The following ATAD3B variants were observed in gnomAD, a reference collection of about 807,000 sequenced individuals.
ATAD3B encodes ATPase family AAA domain containing 3B.
A neutral mutation model predicts 70.2 loss-of-function variants in ATAD3B; 59 were observed. That is an observed-to-expected ratio of 0.84 (90% CI 0.68 to 1.04). The LOEUF is 1.04. Ranked by LOEUF, ATAD3B falls within the 50% of genes least tolerant of loss-of-function variation. ATAD3B has a pLI of 0.00. For missense variants in ATAD3B, 961 were observed against 913.4 expected (o/e 1.05, Z -0.67); for synonymous variants, 423 against 388.6 (o/e 1.09, Z -1.04).
rs1322983896 is a variant in ATAD3B at position 1,473,144 on chromosome 1, T to C, written c.205+1055T>C. 2.0e-3 allele frequency among the ~76,000 whole-genome samples: 282 copies of C among 137,964 alleles called. 3 individuals carry two copies. Among genetic ancestry groups the C allele is most frequent in the African/African-American group, 7.4e-3 (264 of 35,814 alleles). The allele number at this position is 137,964 out of a possible 152,430, so 90.5% of individuals were successfully genotyped here. A position where few individuals can be genotyped will look rare whatever the true frequency, so the allele number is the denominator to read the frequency against. ...AGACAGAAGGGATTCCTTTTTTTTT[T>C]TTTTTTTTTTTTTTGAGATGAGTCT... On this transcript the variant is annotated intron_variant, in intron 1 of 15. Coordinates refer to ENST00000673477, the MANE Select transcript of ATAD3B (RefSeq NM_031921.6).
the ATAD3B span, among the ~76,000 whole-genome samples, chr1:1,507,562 A>G: frequency 1.3e-5 from 2 of 152,052 alleles, no homozygotes; most frequent in Non-Finnish European, 2.9e-5. Flanking sequence ...AGGGTGTATA[A>G]TTTTTTTATT....
At chr1:1,508,987 G>T in the ATAD3B span, among the ~76,000 whole-genome samples, 3 of 148,274 alleles carry the variant, frequency 2.0e-5, no homozygotes, top group Non-Finnish European at 4.4e-5. Context: ...TTGAGCAACA[G>T]CAGTGCTGAG....
the ATAD3B span, among the ~76,000 whole-genome samples, chr1:1,508,713 C>G: frequency 1.3e-5 from 2 of 151,200 alleles, no homozygotes; most frequent in Admixed American, 6.5e-5. Flanking sequence ...ATGCCAAGCC[C>G]TGTGCCCAGG....
chr1:1,488,203 C>T (rs149598495), intron 12 of ATAD3B, among the ~76,000 whole-genome samples: 102 of 152,058 alleles, frequency 6.7e-4, no homozygotes, highest in African/African-American at 2.2e-3. Context: ...ATGATCTGCC[C>T]ACCTGGCCTC....
At position 1,495,741 on chromosome 1, in the gene ATAD3B, G is replaced by C. The variant is rs1185993054; in HGVS notation, c.1871G>C (p.Cys624Ser). The C allele has an allele frequency of 6.2e-7, 1 of 1,612,616 alleles. No homozygotes were observed. Among genetic ancestry groups the C allele is most frequent in the East Asian group, 2.2e-5 (1 of 44,886 alleles). Residue 624 changes from cysteine (C) to serine (S), a missense_variant, in exon 16 of 16, where the codon TGC (cysteine) becomes TCC (serine). Transcript: ENST00000673477. The part of the protein sequence containing the change: ...RICSWMGTGL[C>S]PGPLSPRMSC... ...TGCTCCTGGATGGGGACTGGGCTGT[G>C]CCCAGGGCCTCTGTCCCCCAGGATG...
In ATAD3B at chr1:1,495,553, T is replaced by C; in HGVS notation, c.1683T>C (p.Ala561=). ...EAMMDACVQD[A]VQQYRQKMRW... ...TGATGGACGCCTGTGTGCAAGATGC[T>C]GTCCAGCAGTACCGACAGAAGATGC... Residue 561 remains alanine (A), a synonymous_variant, in exon 16 of 16, where the codon GCT becomes GCC. Transcript: ENST00000673477. 1 of 1,613,178 alleles carries C rather than the reference T, an allele frequency of 6.2e-7. No homozygotes were observed. The highest frequency in any genetic ancestry group is 8.5e-7 in the Non-Finnish European group (1 of 1,179,414).
At position 1,490,229 on chromosome 1, in the gene ATAD3B, C is replaced by T. The variant is rs762260163; in HGVS notation, c.1338-28C>T. 5.4e-5 allele frequency: 87 copies of T among 1,602,054 alleles called. 3 individuals carry two copies. The Middle Eastern group carries it at 1.2e-3, about 21-fold the overall frequency. ...GGGGCATCTCAGCTGGCAGCCCCAG[C>T]GTTTCCTTCCCCATCCCTGTCCTAC... is the stretch of plus-strand genomic sequence containing the variant. On this transcript the variant is annotated intron_variant, in intron 13 of 15. Transcript: ENST00000673477.
chr1:1,502,131 G>A (rs554569131), downstream of ATAD3B, among the ~76,000 whole-genome samples: 2 of 152,078 alleles, frequency 1.3e-5, no homozygotes, highest in Admixed American at 1.3e-4. Context: ...CGCCTGCCTC[G>A]GTCTCCCAAA....
chr1:1,479,980 A>G (rs1639820155), intron 4 of ATAD3B, among the ~76,000 whole-genome samples: 1 of 141,144 alleles, frequency 7.1e-6, no homozygotes, highest in African/African-American at 2.7e-5. Flanking sequence ...ACACACACAC[A>G]GGCATGGACA....
At chr1:1,479,596 G>A (rs1341062091) in intron 4 of ATAD3B, among the ~76,000 whole-genome samples, 2 of 141,744 alleles carry the variant, frequency 1.4e-5, no homozygotes, top group East Asian at 4.5e-4. Context: ...CTGCACACAG[G>A]CCTGCACATA....
intron 13 of ATAD3B, chr1:1,489,541 T>C (rs1640416289): frequency 3.0e-6 from 3 of 999,146 alleles, no homozygotes; most frequent in Non-Finnish European, 4.3e-6. Flanking sequence ...CCTCTGCCCC[T>C]AGATTTCTGC....
chr1:1,499,604 T>TC (rs1640898360), downstream of ATAD3B, among the ~76,000 whole-genome samples: 2 of 146,682 alleles, frequency 1.4e-5, no homozygotes, highest in South Asian at 4.4e-4. Context: ...TTTTTTTTTT[T>TC]TTTTTTTGAG....
chr1:1,501,063 A>C (rs114337282), downstream of ATAD3B, among the ~76,000 whole-genome samples: 983 of 152,236 alleles, frequency 6.5e-3, 20 homozygotes, highest in African/African-American at 0.022. Flanking sequence ...GCTTGAGCAG[A>C]CCAATTATTA....
the ATAD3B span, among the ~76,000 whole-genome samples, chr1:1,506,059 G>A: frequency 4.0e-5 from 6 of 151,872 alleles, no homozygotes; most frequent in South Asian, 6.2e-4. Context: ...ATGGTGAAAC[G>A]CTGTCTCTAC....
rs1640836952 is a variant in ATAD3B, at chr1:1,497,737, G to A, written c.*1920G>A. On this transcript the variant is annotated 3_prime_UTR_variant, in exon 16 of 16. Coordinates refer to ENST00000673477, the MANE Select transcript of ATAD3B (RefSeq NM_031921.6). Reference sequence around the variant, plus strand: ...AAAAAATTAGCCGGCATGGTGGTAGGTGACTGTAATCCCAGCTACTCGGGA... The same window carrying A: ...AAAAAATTAGCCGGCATGGTGGTAGATGACTGTAATCCCAGCTACTCGGGA... 1.5e-5 allele frequency: 2 copies of A among 137,290 alleles called. No individual in the cohort carries two copies. Among genetic ancestry groups the A allele is most frequent in the South Asian group, 2.3e-4 (1 of 4,428 alleles). The allele number at this position is 137,290 out of a possible 1,614,324, so 8.5% of individuals were successfully genotyped here. A position where few individuals can be genotyped will look rare whatever the true frequency, so the allele number is the denominator to read the frequency against.
intron 13 of ATAD3B, 101 bp downstream of exon 13, chr1:1,489,375 T>C (rs1249064057): frequency 3.4e-5 from 54 of 1,577,774 alleles, no homozygotes; most frequent in Non-Finnish European, 4.5e-5. Flanking sequence ...GGGCACCAGC[T>C]GTGGCCTCAG....
chr1:1,475,165 C>G (rs1341896523), intron 1 of ATAD3B, among the ~76,000 whole-genome samples: 5 of 149,742 alleles, frequency 3.3e-5, no homozygotes, highest in African/African-American at 7.5e-5. Flanking sequence ...GTGCCTTGGT[C>G]TGCCCTCTCT....
At chr1:1,502,207 T>C (rs1352007927), downstream of ATAD3B, among the ~76,000 whole-genome samples, 4 of 150,660 alleles carry the variant, frequency 2.7e-5, no homozygotes, top group South Asian at 8.4e-4. Flanking sequence ...ACTCTGGCTT[T>C]TTTTTTCTCT....
At chr1:1,498,634 C>T (rs972266426), downstream of ATAD3B, among the ~76,000 whole-genome samples, 10 of 151,726 alleles carry the variant, frequency 6.6e-5, no homozygotes, top group African/African-American at 2.4e-4. Flanking sequence ...TCTCCAACTC[C>T]TGGGCTCAAG....
Sources: gnomAD v4.1 joint callset for allele counts (sites outside exome capture counted in the v4.1 genomes callset) on GRCh38, gnomAD v4.1.1 for gene constraint, MANE v1.5 for transcripts, NCBI Gene and HGNC (gene_info 2026-07-23, HGNC 2026-07-21) for gene names.